Variants in FBXO11 observed in about 807,000 individuals in gnomAD.
FBXO11 encodes the protein F-box only protein 11.
FBXO11 carries 13 observed loss-of-function variants against 117.0 expected under a neutral mutation model. The observed-to-expected ratio is 0.11, with a 90% CI of 0.07 to 0.18. The LOEUF (loss-of-function observed/expected upper bound fraction) is 0.18. Ranked by LOEUF, FBXO11 falls within the 10% of genes least tolerant of loss-of-function variation. The pLI is 1.00. For synonymous variants in FBXO11, 490 were observed against 380.5 expected, an observed-to-expected ratio of 1.29 and a Z score of -3.35; for missense variants, 767 against 1,164.4, an observed-to-expected ratio of 0.66 and a Z score of 4.97.
intron 1 of FBXO11, among the ~76,000 whole-genome samples, chr2:47,900,771 TAC>T (rs1206501760): frequency 1.3e-5 from 1 of 78,758 alleles, no homozygotes. Flanking sequence ...TGTATATATA[TAC>T]ACGTATACAC....
chr2:47,861,919 T>C (rs938963083), intron 1 of FBXO11, among the ~76,000 whole-genome samples: 3 of 151,842 alleles, frequency 2.0e-5, no homozygotes, highest in Admixed American at 6.6e-5. Context: ...TTTTTTTTTT[T>C]TTCTTGAGAT....
chr2:47,854,484 G>T (rs959726574), intron 1 of FBXO11, among the ~76,000 whole-genome samples: 1 of 151,598 alleles, frequency 6.6e-6, no homozygotes, highest in Non-Finnish European at 1.5e-5. Context: ...ATACTGGGGG[G>T]TAAAGTGAAT....
chr2:47,905,786 G>T lies in FBXO11; in HGVS notation c.-66C>A, dbSNP rs573680795. 1.9e-4 allele frequency: 266 copies of T among 1,375,550 alleles called. No homozygotes were observed. Among genetic ancestry groups the T allele is most frequent in the East Asian group, 3.3e-4 (8 of 24,514 alleles). The allele number at this position is 1,375,550 out of a possible 1,614,324, so 85.2% of individuals were successfully genotyped here. ...CACGCACACGCACAGCGAGCTTCGGGGCAGGAGAAAGGGGTGGGGAGAGTG... is the reference window on the plus strand; with the variant it reads ...CACGCACACGCACAGCGAGCTTCGGTGCAGGAGAAAGGGGTGGGGAGAGTG... On this transcript the variant is annotated 5_prime_UTR_variant, in exon 1 of 23. Transcript: ENST00000403359.
intron 1 of FBXO11, among the ~76,000 whole-genome samples, chr2:47,845,680 C>T (rs1456959699): frequency 6.6e-6 from 1 of 151,958 alleles, no homozygotes; most frequent in African/African-American, 2.4e-5. Context: ...TTATTATATG[C>T]CATATTTCCC....
chr2:47,851,253 G>A (rs1045909261), intron 1 of FBXO11, among the ~76,000 whole-genome samples: 2 of 152,108 alleles, frequency 1.3e-5, no homozygotes, highest in Admixed American at 1.3e-4. Context: ...TTGAGACAGA[G>A]TCTCATTCTG....
chr2:47,895,444 G>A (rs562084418), intron 1 of FBXO11, among the ~76,000 whole-genome samples: 1 of 152,238 alleles, frequency 6.6e-6, no homozygotes, highest in South Asian at 2.1e-4. Context: ...ATAAAGTTAA[G>A]AAACAGGCAC....
At chr2:47,826,878 G>C (rs1405771764) in intron 11 of FBXO11, among the ~76,000 whole-genome samples, 1 of 152,046 alleles carries the variant, frequency 6.6e-6, no homozygotes, top group Non-Finnish European at 1.5e-5. Context: ...CGATTCTCCT[G>C]CATCATCTCC....
chr2:47,837,067 T>G, intron 4 of FBXO11: 1 of 236,980 alleles, frequency 4.2e-6, no homozygotes, highest in Non-Finnish European at 8.7e-6. Context: ...AAAAATACTT[T>G]GAACTTAATT....
chr2:47,899,911 C>T (rs1216970382), intron 1 of FBXO11, among the ~76,000 whole-genome samples: 1 of 150,618 alleles, frequency 6.6e-6, no homozygotes, highest in African/African-American at 2.4e-5. Flanking sequence ...TAGCTCATTA[C>T]TGTAAACTGG....
intron 1 of FBXO11, among the ~76,000 whole-genome samples, chr2:47,888,194 G>C (rs1359357495): frequency 6.6e-6 from 1 of 152,112 alleles, no homozygotes. Flanking sequence ...AAACAGATCA[G>C]TAGGTCCAAC....
intron 16 of FBXO11, chr2:47,814,435 G>C (rs1214470802): frequency 1.4e-5 from 2 of 148,132 alleles, no homozygotes; most frequent in East Asian, 2.0e-4. Flanking sequence ...TGGAGTTGCA[G>C]TGGCATGATC....
chr2:47,823,049 A>C lies in FBXO11; in HGVS notation c.1616+94T>G, dbSNP rs1260296223. 3 of 836,658 alleles carry C rather than the reference A, an allele frequency of 3.6e-6. No homozygotes were observed. The East Asian group carries it at 7.8e-5, about 22-fold the overall frequency. 51.8% of individuals were successfully genotyped at this position (836,658 alleles called of 1,614,324 possible). Reference sequence around the variant, plus strand: ...CTATTTTATAGTAGTCAAATGTCTAACAAAAACTTTCAAGAGTTAAAGCTC... The same window carrying C: ...CTATTTTATAGTAGTCAAATGTCTACCAAAAACTTTCAAGAGTTAAAGCTC... On this transcript the variant is annotated intron_variant, in intron 12 of 22. Transcript: ENST00000403359.
chr2:47,876,172 G>T (rs1336268080), intron 1 of FBXO11, among the ~76,000 whole-genome samples: 1 of 152,338 alleles, frequency 6.6e-6, no homozygotes, highest in East Asian at 1.9e-4. Flanking sequence ...AAAATACCCT[G>T]AAGTTGGTCA....
chr2:47,813,509 G>A, intron 17 of FBXO11, 132 bp from the exon 18 acceptor site: 2 of 614,856 alleles, frequency 3.3e-6, no homozygotes, highest in Non-Finnish European at 5.0e-6. Flanking sequence ...TTGGCTCACT[G>A]CAACCTCCAC....
chr2:47,905,793 G>C lies in FBXO11; in HGVS notation c.-73C>G, dbSNP rs1275679718. The C allele has an allele frequency of 9.1e-7, 1 of 1,101,330 alleles. No homozygotes were observed. Among genetic ancestry groups the C allele is most frequent in the Non-Finnish European group, 1.2e-6 (1 of 836,578 alleles). 68.2% of individuals were successfully genotyped at this position (1,101,330 alleles called of 1,614,324 possible). A position where few individuals can be genotyped will look rare whatever the true frequency, so the allele number is the denominator to read the frequency against. Reference sequence around the variant, plus strand: ...ACGCACAGCGAGCTTCGGGGCAGGAGAAAGGGGTGGGGAGAGTGGGAGAGG... The same window carrying C: ...ACGCACAGCGAGCTTCGGGGCAGGACAAAGGGGTGGGGAGAGTGGGAGAGG... On this transcript the variant is annotated 5_prime_UTR_variant, in exon 1 of 23. Coordinates refer to ENST00000403359, the MANE Select transcript of FBXO11 (RefSeq NM_001190274.2).
intron 1 of FBXO11, among the ~76,000 whole-genome samples, chr2:47,891,072 C>A (rs2103980123): frequency 6.6e-6 from 1 of 152,142 alleles, no homozygotes; most frequent in East Asian, 1.9e-4. Context: ...GATCCTCCTG[C>A]CTCTGCCTCC....
chr2:47,854,644 A>G (rs1674129949), intron 1 of FBXO11, among the ~76,000 whole-genome samples: 1 of 152,176 alleles, frequency 6.6e-6, no homozygotes, highest in Non-Finnish European at 1.5e-5. Context: ...TAAATTAATT[A>G]GAATTATGTG....
At chr2:47,897,804 G>C (rs1677791570) in intron 1 of FBXO11, among the ~76,000 whole-genome samples, 1 of 151,370 alleles carries the variant, frequency 6.6e-6, no homozygotes, top group Non-Finnish European at 1.5e-5. Flanking sequence ...TGTTCACTAG[G>C]AAAAAAGAGT....
chr2:47,813,849 T>G lies in FBXO11; in HGVS notation c.2025A>C (p.Lys675Asn). The change falls in exon 17 of 23, where the codon AAA (lysine) becomes AAC (asparagine). Residue 675 changes from lysine to asparagine, a missense_variant. Physicochemically the swap from Lys to Asn is moderately conservative, Grantham distance 94. Around this residue, in one of 10 missense-constraint regions of FBXO11, gnomAD observed 42 missense variants for 216.8 expected, o/e 0.19. Transcript: ENST00000403359. ...CTCCCCAGATTTTGTTGCGTCTAAT[T>G]TTGGGGTTGCTTCCAGTCCTGTAAA... The part of the protein sequence containing the change: ...GVQIRTGSNP[K>N]IRRNKIWGGQ... The G allele has an allele frequency of 6.2e-7, 1 of 1,613,508 alleles. No homozygotes were observed. The highest frequency in any genetic ancestry group is 8.5e-7 in the Non-Finnish European group (1 of 1,179,522).
Sources: gnomAD v4.1 joint callset for allele counts (sites outside exome capture counted in the v4.1 genomes callset) on GRCh38, gnomAD v4.1.1 for gene constraint, gnomAD v4.1.1 regional missense constraint, MANE v1.5 for transcripts, NCBI Gene and HGNC (gene_info 2026-07-23, HGNC 2026-07-21) for gene names.